The following GTF2E2 variants were observed in gnomAD, a reference collection of about 807,000 sequenced individuals.
The protein encoded by GTF2E2 is general transcription factor IIE subunit 2, also known as transcription initiation factor IIE subunit beta.
In GTF2E2, 21 loss-of-function variants were observed where a neutral mutation model predicts 40.5. The observed-to-expected ratio is 0.52, with a 90% CI of 0.37 to 0.75. The LOEUF is 0.75. Ranked by LOEUF, GTF2E2 falls within the 30% of genes least tolerant of loss-of-function variation. The pLI, the probability that GTF2E2 is intolerant of heterozygous loss-of-function variation, is 0.00. For synonymous variants in GTF2E2, 117 were observed against 121.6 expected (o/e 0.96, Z 0.25); for missense variants, 298 against 338.4 (o/e 0.88, Z 0.94).
intron 2 of GTF2E2, among the ~76,000 whole-genome samples, 191 bp from the exon 3 acceptor site, chr8:30,635,314 T>C (rs1801562248): frequency 6.6e-6 from 1 of 152,114 alleles, no homozygotes; most frequent in Non-Finnish European, 1.5e-5. Flanking sequence ...TCACTAAGGG[T>C]AGAAACAAAG....
At chr8:30,638,666 A>G (rs1801693646) in intron 2 of GTF2E2, 2 of 152,626 alleles carry the variant, frequency 1.3e-5, no homozygotes, top group South Asian at 4.1e-4. Context: ...TTTTTTATTT[A>G]GTGGTACATG....
Position 30,636,171 on chromosome 8 carries a change from C to T in GTF2E2, c.167-1048G>A, listed in dbSNP as rs369477592. Among the ~76,000 whole-genome samples the T allele has an allele frequency of 3.3e-5, 5 of 152,062 alleles. No homozygotes were observed. In the East Asian group the frequency reaches 9.6e-4, roughly 29 times the overall value. On this transcript the variant is annotated intron_variant, in intron 2 of 7. Transcript: ENST00000355904. ...TAATGTCACCACTGCATCACAAATG[C>T]ATTCCATTAGTCATAACCAGGAACA...
intron 5 of GTF2E2, among the ~76,000 whole-genome samples, chr8:30,608,987 G>A (rs1829402747): frequency 6.6e-6 from 1 of 152,108 alleles, no homozygotes; most frequent in Non-Finnish European, 1.5e-5. Context: ...CTGACCTCGT[G>A]ATCCACCCGC....
rs138171074 is a variant in GTF2E2 at position 30,604,379 on chromosome 8, A to G, written c.643+2678T>C. On this transcript the variant is annotated intron_variant, in intron 6 of 7. Coordinates refer to ENST00000355904, the MANE Select transcript of GTF2E2 (RefSeq NM_002095.6). ...AACAAAGATCTGAAAAGATGCAAAA[A>G]TATTTTCTCAATTTACTTCTGCATT... is the stretch of plus-strand genomic sequence containing the variant. Among the ~76,000 whole-genome samples, 117 of 152,320 alleles carry G rather than the reference A, an allele frequency of 7.7e-4. No individual in the cohort carries two copies. In the East Asian group the frequency reaches 0.02, roughly 26 times the overall value.
intron 6 of GTF2E2, chr8:30,584,551 G>A (rs1828618034): frequency 6.6e-6 from 1 of 152,104 alleles, no homozygotes; most frequent in African/African-American, 2.4e-5. Flanking sequence ...CAGAAAAGAG[G>A]AGAAAACAGA....
chr8:30,604,699 A>C (rs572877409), intron 6 of GTF2E2, among the ~76,000 whole-genome samples: 12 of 152,348 alleles, frequency 7.9e-5, no homozygotes, highest in African/African-American at 2.4e-4. Context: ...TGCATGTTTA[A>C]TTTCTGCATC....
At chr8:30,642,812 T>G (rs1266121360) in intron 2 of GTF2E2, among the ~76,000 whole-genome samples, 2 of 152,268 alleles carry the variant, frequency 1.3e-5, no homozygotes, top group African/African-American at 4.8e-5. Context: ...AGCTCATTAA[T>G]GGATACAAGT....
chr8:30,644,385 C>T (rs1350464224), intron 2 of GTF2E2: 2 of 152,098 alleles, frequency 1.3e-5, no homozygotes, highest in African/African-American at 4.8e-5. Flanking sequence ...TCATTTATAA[C>T]CCCAAGATTA....
At position 30,578,834 on chromosome 8, in the gene GTF2E2, A is replaced by T. The variant is rs1168755800; in HGVS notation, c.*87T>A. 6.5e-6 allele frequency: 5 copies of T among 766,412 alleles called. No homozygotes were observed. The highest frequency in any genetic ancestry group is 9.6e-6 in the Non-Finnish European group (4 of 417,988). The allele number at this position is 766,412 out of a possible 1,614,324, so 47.5% of individuals were successfully genotyped here. A position where few individuals can be genotyped will look rare whatever the true frequency, so the allele number is the denominator to read the frequency against. On this transcript the variant is annotated 3_prime_UTR_variant, in exon 8 of 8. Transcript: ENST00000355904. ...TCCTCTCCTCAGCCGCAAGAAGCAG[A>T]TAGGAAGACAGTCTTCAGACCCCGA...
At chr8:30,653,366 A>G (rs1277553715) in intron 2 of GTF2E2, 67 bp downstream of exon 2, 4 of 1,221,942 alleles carry the variant, frequency 3.3e-6, no homozygotes, top group East Asian at 2.3e-5. Context: ...TGAACTAGCC[A>G]TAACTAAACG....
chr8:30,630,993 T>TA (rs1165660075), intron 3 of GTF2E2, among the ~76,000 whole-genome samples: 6 of 152,070 alleles, frequency 3.9e-5, no homozygotes, highest in East Asian at 1.9e-4. Flanking sequence ...GAACACTGGT[T>TA]AAAAAAAAGA....
At chr8:30,592,970 G>T (rs1355933497) in intron 6 of GTF2E2, among the ~76,000 whole-genome samples, 2 of 152,210 alleles carry the variant, frequency 1.3e-5, no homozygotes, top group Non-Finnish European at 2.9e-5. Flanking sequence ...GGAGGCTGAG[G>T]CAGGCGGGTC....
chr8:30,654,760 A>G (rs1802401312), intron 1 of GTF2E2, among the ~76,000 whole-genome samples: 1 of 152,150 alleles, frequency 6.6e-6, no homozygotes, highest in African/African-American at 2.4e-5. Context: ...TTATATTTCT[A>G]TTGGACAACA....
intron 6 of GTF2E2, among the ~76,000 whole-genome samples, chr8:30,589,184 G>A (rs746340976): frequency 1.4e-4 from 21 of 152,188 alleles, no homozygotes; most frequent in Non-Finnish European, 1.2e-4. Flanking sequence ...TTGAATCCAG[G>A]AAGCAGAGGT....
At chr8:30,646,596 AT>A (rs1213669244) in intron 2 of GTF2E2, among the ~76,000 whole-genome samples, 2 of 152,320 alleles carry the variant, frequency 1.3e-5, no homozygotes, top group African/African-American at 4.8e-5. Context: ...AGGTACAAAG[AT>A]TTTTTACAAT....
intron 6 of GTF2E2, among the ~76,000 whole-genome samples, chr8:30,596,449 A>G (rs1829008725): frequency 6.6e-6 from 1 of 151,836 alleles, no homozygotes. Context: ...CATTTATTTT[A>G]TTTTCTTACA....
At chr8:30,615,008 T>A (rs947279138) in intron 3 of GTF2E2, among the ~76,000 whole-genome samples, 1 of 152,136 alleles carries the variant, frequency 6.6e-6, no homozygotes, top group Non-Finnish European at 1.5e-5. Flanking sequence ...CCAGGCACAG[T>A]GGCTCATGGC....
At chr8:30,651,730 G>C (rs1384515391) in intron 2 of GTF2E2, among the ~76,000 whole-genome samples, 3 of 152,168 alleles carry the variant, frequency 2.0e-5, no homozygotes, top group Non-Finnish European at 4.4e-5. Context: ...AATGTTGATA[G>C]ATTGACCCTA....
At chr8:30,635,856 A>G (rs1041460514) in intron 2 of GTF2E2, among the ~76,000 whole-genome samples, 1 of 152,208 alleles carries the variant, frequency 6.6e-6, no homozygotes, top group Non-Finnish European at 1.5e-5. Flanking sequence ...TTTTACATCA[A>G]TTTCTGCTTA....
Sources: gnomAD v4.1 joint callset for allele counts (sites outside exome capture counted in the v4.1 genomes callset) on GRCh38, gnomAD v4.1.1 for gene constraint, MANE v1.5 for transcripts, NCBI Gene and HGNC (gene_info 2026-07-23, HGNC 2026-07-21) for gene names.